The following CASP14 variants were observed in gnomAD, a reference collection of about 807,000 sequenced individuals.
CASP14 encodes caspase-14.
CASP14 carries 27 observed loss-of-function variants against 28.4 expected under a neutral mutation model. The ratio of observed to expected loss-of-function variants is 0.95; its 90% CI spans 0.70 to 1.31. CASP14 has a LOEUF of 1.31. Among genes scored for constraint, CASP14 ranks in the 50% most tolerant of loss-of-function variants. CASP14 has a pLI of 0.00. For missense variants in CASP14, 323 were observed against 312.8 expected (o/e 1.03, Z -0.25); for synonymous variants, 115 against 118.6 (o/e 0.97, Z 0.20).
At position 15,055,578 on chromosome 19, in the gene CASP14, G is replaced by A. The variant is rs1332634911; in HGVS notation, c.624+45G>A. On this transcript the variant is annotated intron_variant, in intron 6 of 6. Coordinates refer to ENST00000427043, the MANE Select transcript of CASP14 (RefSeq NM_012114.3). ...CTGGGACCACCGCCCAGGCCAAGAA[G>A]GGTGCAGGCGGAGGGGGCTGAGCCT... The A allele has an allele frequency of 4.3e-6, 6 of 1,411,710 alleles. No homozygotes were observed. The African/African-American group carries it at 7.0e-5, about 17-fold the overall frequency. 87.4% of individuals were successfully genotyped at this position (1,411,710 alleles called of 1,614,324 possible). A position where few individuals can be genotyped will look rare whatever the true frequency, so the allele number is the denominator to read the frequency against.
At chr19:15,055,679 T>C (rs1004556692) in intron 6 of CASP14, 146 bp downstream of exon 6, 1 of 637,046 alleles carries the variant, frequency 1.6e-6, no homozygotes, top group Admixed American at 2.9e-5. Context: ...AAGCCCACTT[T>C]CCAACAACTT....
At position 15,056,984 on chromosome 19, in the gene CASP14, C is replaced by T. The variant is rs3181309; in HGVS notation, c.*895C>T. ...CCTCTTTTCCACAACCTGCTAAATC[C>T]TGATCCATCTGAAAACTTTTCTAAT... On this transcript the variant is annotated 3_prime_UTR_variant, in exon 7 of 7. Transcript: ENST00000427043. 121,218 of 152,140 alleles carry T rather than the reference C, an allele frequency of 0.8. 48,727 individuals carry two copies. Among genetic ancestry groups the T allele is most frequent in the African/African-American group, 0.91 (37,657 of 41,546 alleles). 9.4% of individuals were successfully genotyped at this position (152,140 alleles called of 1,614,324 possible). A position where few individuals can be genotyped will look rare whatever the true frequency, so the allele number is the denominator to read the frequency against.
At chr19:15,050,468 G>A (rs1374069234) in intron 1 of CASP14, among the ~76,000 whole-genome samples, 1 of 151,428 alleles carries the variant, frequency 6.6e-6, no homozygotes, top group Non-Finnish European at 1.5e-5. Flanking sequence ...AATATTTGCT[G>A]GGTAGGTGGG....
rs928587858 is a variant in CASP14 at position 15,056,343 on chromosome 19, G to A, written c.*254G>A. On this transcript the variant is annotated 3_prime_UTR_variant, in exon 7 of 7. Transcript: ENST00000427043. The stretch of plus-strand genomic sequence containing the variant: ...ACTTTCTATCTTTATTAATGCAACC[G>A]AAGAGACCTAAGAGTGCATTCACTT... 5.1e-5 allele frequency: 19 copies of A among 375,272 alleles called. No individual in the cohort carries two copies. Among genetic ancestry groups the A allele is most frequent in the Middle Eastern group, 8.6e-4 (1 of 1,158 alleles). The allele number at this position is 375,272 out of a possible 1,614,324, so 23.2% of individuals were successfully genotyped here. A position where few individuals can be genotyped will look rare whatever the true frequency, so the allele number is the denominator to read the frequency against.
rs936540103 is a variant in CASP14 at position 15,053,599 on chromosome 19, G to A, written c.145G>A (p.Glu49Lys). 3.0e-5 allele frequency: 48 copies of A among 1,614,042 alleles called. No homozygotes were observed. The highest frequency in any genetic ancestry group is 3.8e-5 in the Non-Finnish European group (45 of 1,180,042). The change falls in exon 3 of 7, where the codon GAA becomes AAA. Residue 49 changes from glutamate (E) to lysine (K), a missense_variant. Physicochemically the swap from Glu to Lys is moderately conservative, Grantham distance 56. Transcript: ENST00000427043. ...LEHMFRQLRFESTMKRDPTAE... is the reference protein window; with the variant it reads ...LEHMFRQLRFKSTMKRDPTAE... Reference sequence around the variant, plus strand: ...ACACATGTTTCGGCAGCTGAGATTCGAAAGCACCATGAAAAGAGACCCCAC... The same window carrying A: ...ACACATGTTTCGGCAGCTGAGATTCAAAAGCACCATGAAAAGAGACCCCAC...
In CASP14 at chr19:15,055,435, A is replaced by G. The variant is rs759729378; in HGVS notation, c.526A>G (p.Ile176Val). The G allele has an allele frequency of 3.7e-6, 6 of 1,613,894 alleles. No homozygotes were observed. The highest frequency in any genetic ancestry group is 5.1e-6 in the Non-Finnish European group (6 of 1,179,896). The part of the protein sequence containing the change: ...LHVYSTVEGY[I>V]AYRHDQKGSC... ...CACCTCTCTGGAATTCCCAGGATAC[A>G]TCGCCTACCGACATGATCAGAAAGG... The change falls in exon 6 of 7, where the codon ATC becomes GTC. Residue 176 changes from isoleucine to valine, a missense_variant. By Grantham distance (29) the Ile-to-Val change is conservative. Transcript: ENST00000427043.
At position 15,055,415 on chromosome 19, in the gene CASP14, C is replaced by T; in HGVS notation, c.521-15C>T. The T allele has an allele frequency of 2.5e-6, 4 of 1,613,004 alleles. 1 individual carries two copies. In the South Asian group the frequency reaches 3.3e-5, roughly 13 times the overall value. Reference sequence around the variant, plus strand: ...CTCTGAAGCTCCCCCGAACCCACCTCTCTGGAATTCCCAGGATACATCGCC... The same window carrying T: ...CTCTGAAGCTCCCCCGAACCCACCTTTCTGGAATTCCCAGGATACATCGCC... On this transcript the variant is annotated splice_polypyrimidine_tract_variant and intron_variant, in intron 5 of 6. Transcript: ENST00000427043.
chr19:15,054,640 CTTT>C (rs796422997), intron 4 of CASP14, among the ~76,000 whole-genome samples: 7,556 of 121,962 alleles, frequency 0.062, 493 homozygotes, highest in African/African-American at 0.17. Context: ...CAAAAGCATC[CTTT>C]TTTTTTTTTT....
intron 2 of CASP14, among the ~76,000 whole-genome samples, chr19:15,052,909 G>A (rs1377352779): frequency 6.6e-6 from 1 of 152,160 alleles, no homozygotes; most frequent in Non-Finnish European, 1.5e-5. Flanking sequence ...TTGGGTTGCT[G>A]TATTTGGGAA....
At position 15,049,536 on chromosome 19, in the gene CASP14, C is replaced by G. The variant is rs2046078704; in HGVS notation, c.-156C>G. 1 of 152,130 alleles carries G rather than the reference C, an allele frequency of 6.6e-6. No homozygotes were observed. Among genetic ancestry groups the G allele is most frequent in the African/African-American group, 2.4e-5 (1 of 41,416 alleles). 9.4% of individuals were successfully genotyped at this position (152,130 alleles called of 1,614,324 possible). A position where few individuals can be genotyped will look rare whatever the true frequency, so the allele number is the denominator to read the frequency against. ...AGATTCCACACTGTCAGCCCCTTCTCCAAGATCAGTACGTGGGCCTGACTC... is the reference window on the plus strand; with the variant it reads ...AGATTCCACACTGTCAGCCCCTTCTGCAAGATCAGTACGTGGGCCTGACTC... On this transcript the variant is annotated 5_prime_UTR_variant, in exon 1 of 7. Transcript: ENST00000427043.
Position 15,053,738 on chromosome 19 carries a change from C to T in CASP14, c.183C>T (p.Phe61=), listed in dbSNP as rs377160369. ...TMKRDPTAEQ[F]QEELEKFQQA... is the part of the protein sequence containing the mutation. Reference sequence around the variant, plus strand: ...GGTTCTTCCTCTCACTCCAGCAATTCCAGGAAGAGCTGGAAAAATTCCAGC... The same window carrying T: ...GGTTCTTCCTCTCACTCCAGCAATTTCAGGAAGAGCTGGAAAAATTCCAGC... Residue 61 remains phenylalanine, a synonymous_variant, in exon 4 of 7, where the codon TTC becomes TTT. Transcript: ENST00000427043. 9.3e-6 allele frequency: 15 copies of T among 1,613,174 alleles called. No homozygotes were observed. The highest frequency in any genetic ancestry group is 1.3e-5 in the Non-Finnish European group (15 of 1,179,394).
intron 1 of CASP14, 50 bp from the exon 2 acceptor site, chr19:15,052,156 C>T: frequency 7.2e-7 from 1 of 1,383,546 alleles, no homozygotes; most frequent in Non-Finnish European, 9.8e-7. Flanking sequence ...TCCCCTGAGC[C>T]CCTCGGCCTC....
Position 15,053,005 on chromosome 19 carries a change from T to C in CASP14, c.28-477T>C, listed in dbSNP as rs896298475. Among the ~76,000 whole-genome samples the C allele has an allele frequency of 3.9e-5, 6 of 152,324 alleles. 1 individual carries two copies. In the East Asian group the frequency reaches 9.6e-4, roughly 24 times the overall value. ...GTATAAGTATATCCCATGCAATATT[T>C]GGGATATACTTATACTAAAAAGGTA... On this transcript the variant is annotated intron_variant, in intron 2 of 6. Transcript: ENST00000427043.
In CASP14 at chr19:15,057,934, A is replaced by G. The variant is rs1295271220; in HGVS notation, c.*1845A>G. On this transcript the variant is annotated 3_prime_UTR_variant, in exon 7 of 7. Transcript: ENST00000427043. ...AATAAAGACCAAAGTCAAACCGCAC[A>G]TCAGGATCTCTCACACCCTTCCAAT... The G allele has an allele frequency of 6.6e-6, 1 of 152,246 alleles. No individual in the cohort carries two copies. The highest frequency in any genetic ancestry group is 1.5e-5 in the Non-Finnish European group (1 of 68,102). 9.4% of individuals were successfully genotyped at this position (152,246 alleles called of 1,614,324 possible).
At chr19:15,051,644 T>G (rs956981648) in intron 1 of CASP14, among the ~76,000 whole-genome samples, 1 of 151,918 alleles carries the variant, frequency 6.6e-6, no homozygotes, top group Non-Finnish European at 1.5e-5. Context: ...GAGATGAGAA[T>G]GGAGAATGTG....
Position 15,053,503 on chromosome 19 carries a change from G to A in CASP14, c.49G>A (p.Ala17Thr), listed in dbSNP as rs147396237. 5.0e-6 allele frequency: 8 copies of A among 1,614,082 alleles called. No individual in the cohort carries two copies. The South Asian group carries it at 6.6e-5, about 13-fold the overall frequency. Reference sequence around the variant, plus strand: ...CCAGGAGAAATATGATATGTCAGGTGCCCGCCTGGCCCTAATACTGTGTGT... The same window carrying A: ...CCAGGAGAAATATGATATGTCAGGTACCCGCCTGGCCCTAATACTGTGTGT... The part of the protein sequence containing the change: ...LEEEKYDMSG[A>T]RLALILCVTK... The change falls in exon 3 of 7, where the codon GCC becomes ACC. Residue 17 changes from alanine to threonine, a missense_variant. Coordinates refer to ENST00000427043, the MANE Select transcript of CASP14 (RefSeq NM_012114.3).
chr19:15,053,778 C>A lies in CASP14; in HGVS notation c.223C>A (p.Arg75=). 1 of 1,613,968 alleles carries A rather than the reference C, an allele frequency of 6.2e-7. No homozygotes were observed. The highest frequency in any genetic ancestry group is 8.5e-7 in the Non-Finnish European group (1 of 1,179,922). The part of the protein sequence containing the change: ...LEKFQQAIDS[R]EDPVSCAFVV... The stretch of plus-strand genomic sequence containing the variant: ...AAAATTCCAGCAGGCCATCGATTCC[C>A]GGGAAGATCCCGTCAGTTGTGCCTT... The change falls in exon 4 of 7, where the codon CGG becomes AGG. Residue 75 remains arginine, a synonymous_variant. Transcript: ENST00000427043.
rs2046114776 is a variant in CASP14, at chr19:15,055,889, C to A, written c.625-96C>A. On this transcript the variant is annotated intron_variant, in intron 6 of 6. Transcript: ENST00000427043. Reference sequence around the variant, plus strand: ...GGAAGAGGCCACAACGGTCTCTCATCTTAGGACAAGAATACCCACCTGCCC... The same window carrying A: ...GGAAGAGGCCACAACGGTCTCTCATATTAGGACAAGAATACCCACCTGCCC... 8.9e-6 allele frequency: 8 copies of A among 901,430 alleles called. No individual in the cohort carries two copies. In the South Asian group the frequency reaches 1.2e-4, roughly 13 times the overall value. The allele number at this position is 901,430 out of a possible 1,614,324, so 55.8% of individuals were successfully genotyped here.
rs750186848 is a variant in CASP14, at chr19:15,057,884, G to A, written c.*1795G>A. The A allele has an allele frequency of 6.6e-6, 1 of 152,140 alleles. No individual in the cohort carries two copies. Among genetic ancestry groups the A allele is most frequent in the African/African-American group, 2.4e-5 (1 of 41,418 alleles). 9.4% of individuals were successfully genotyped at this position (152,140 alleles called of 1,614,324 possible). On this transcript the variant is annotated 3_prime_UTR_variant, in exon 7 of 7. Transcript: ENST00000427043. ...GCTCTAGGTGAGACAGTGAGATCCG[G>A]TCTCCAAAATAAATCAATCAATCAA...
Sources: gnomAD v4.1 joint callset for allele counts (sites outside exome capture counted in the v4.1 genomes callset) on GRCh38, gnomAD v4.1.1 for gene constraint, MANE v1.5 for transcripts, NCBI Gene and HGNC (gene_info 2026-07-23, HGNC 2026-07-21) for gene names.